The following CBLN2 variants were observed in gnomAD, a reference collection of about 807,000 sequenced individuals.
The protein encoded by CBLN2 is cerebellin 2 precursor.
In CBLN2, 7 loss-of-function variants were observed where a neutral mutation model predicts 15.0. That is an observed-to-expected ratio of 0.47 (90% confidence interval 0.27 to 0.88). The LOEUF (loss-of-function observed/expected upper bound fraction) is 0.88, where lower values mean the gene tolerates loss of function less well. Ranked by LOEUF, CBLN2 falls within the 40% of genes least tolerant of loss-of-function variation. The pLI, the probability that CBLN2 is intolerant of heterozygous loss-of-function variation, is 0.14. For missense variants in CBLN2, 242 were observed against 304.5 expected, an observed-to-expected ratio of 0.79 and a Z score of 1.53; for synonymous variants, 149 against 135.2, an observed-to-expected ratio of 1.10 and a Z score of -0.71.
chr18:72,634,329 C>A (rs952392891), intron 1 of CBLN2, among the ~76,000 whole-genome samples: 1 of 151,952 alleles, frequency 6.6e-6, no homozygotes, highest in East Asian at 1.9e-4. Flanking sequence ...TTTCTTCTTT[C>A]TTTTTCAATC....
chr18:72,625,011 C>A (rs916936996), intron 1 of CBLN2: 1 of 151,994 alleles, frequency 6.6e-6, no homozygotes, highest in Admixed American at 6.6e-5. Flanking sequence ...ATTGTTTTCC[C>A]AACTTTAGAA....
intron 1 of CBLN2, among the ~76,000 whole-genome samples, chr18:72,576,721 G>GT (rs1346437329): frequency 6.6e-6 from 1 of 151,570 alleles, no homozygotes; most frequent in Non-Finnish European, 1.5e-5. Context: ...ATACTAAAGG[G>GT]TTTTTTAAAG....
At chr18:72,616,943 G>A (rs1038518487) in intron 1 of CBLN2, among the ~76,000 whole-genome samples, 7 of 152,034 alleles carry the variant, frequency 4.6e-5, no homozygotes, top group African/African-American at 1.2e-4. Flanking sequence ...TGGTATTGTC[G>A]AATTAAATCA....
chr18:72,542,909 CCA>C (rs56135302), intron 2 of CBLN2: 34,496 of 131,280 alleles, frequency 0.26, 4,624 homozygotes, highest in Non-Finnish European at 0.31. Context: ...GGAAATGACA[CCA>C]CACACACACA....
intron 1 of CBLN2, among the ~76,000 whole-genome samples, chr18:72,600,945 T>A (rs1462368448): frequency 6.6e-6 from 1 of 152,162 alleles, no homozygotes; most frequent in Admixed American, 6.5e-5. Flanking sequence ...TCATCAGAAA[T>A]TCAAGTCTGA....
upstream of CBLN2, among the ~76,000 whole-genome samples, chr18:72,548,523 A>G (rs1452353604): frequency 6.6e-6 from 1 of 152,226 alleles, no homozygotes; most frequent in Non-Finnish European, 1.5e-5. Context: ...CAAACTAAAA[A>G]TACCTGGTTA....
At chr18:72,551,764 C>T (rs2069193435) in intron 1 of CBLN2, among the ~76,000 whole-genome samples, 1 of 152,174 alleles carries the variant, frequency 6.6e-6, no homozygotes, top group African/African-American at 2.4e-5. Context: ...CATATAAACA[C>T]ATATTTATCA....
intron 1 of CBLN2, among the ~76,000 whole-genome samples, chr18:72,554,794 C>T (rs2069214135): frequency 6.6e-6 from 1 of 152,002 alleles, no homozygotes. Context: ...CATCTCTTAC[C>T]ATTGCAACCC....
chr18:72,582,707 A>G (rs1330388835), intron 1 of CBLN2, among the ~76,000 whole-genome samples: 3 of 152,146 alleles, frequency 2.0e-5, no homozygotes, highest in Non-Finnish European at 4.4e-5. Context: ...AGGGGCCCAC[A>G]TACCCAAGTC....
intron 1 of CBLN2, chr18:72,625,099 T>C (rs1412461500): frequency 6.6e-6 from 1 of 152,118 alleles, no homozygotes; most frequent in Non-Finnish European, 1.5e-5. Context: ...TTACCACCCT[T>C]TGTTAAGGAT....
chr18:72,556,747 A>C (rs1336934313), intron 1 of CBLN2, among the ~76,000 whole-genome samples: 1 of 152,184 alleles, frequency 6.6e-6, no homozygotes, highest in African/African-American at 2.4e-5. Flanking sequence ...AGTGGAAATT[A>C]AACCAACTTA....
At chr18:72,572,900 T>C (rs1454890393) in intron 1 of CBLN2, among the ~76,000 whole-genome samples, 1 of 152,116 alleles carries the variant, frequency 6.6e-6, no homozygotes, top group Non-Finnish European at 1.5e-5. Flanking sequence ...TTAAGTATGC[T>C]AAAGAATAAG....
intron 1 of CBLN2, among the ~76,000 whole-genome samples, chr18:72,607,446 C>T (rs1230277643): frequency 6.6e-6 from 1 of 152,162 alleles, no homozygotes. Flanking sequence ...AGCAACTGTT[C>T]CCTTTCTCCT....
At chr18:72,633,262 A>G (rs1413022257) in intron 1 of CBLN2, among the ~76,000 whole-genome samples, 1 of 152,160 alleles carries the variant, frequency 6.6e-6, no homozygotes, top group Non-Finnish European at 1.5e-5. Context: ...TTGTTAAAAC[A>G]CTGTGGGCAT....
intron 1 of CBLN2, among the ~76,000 whole-genome samples, chr18:72,607,733 T>A (rs2144950130): frequency 6.6e-6 from 1 of 151,826 alleles, no homozygotes; most frequent in South Asian, 2.1e-4. Flanking sequence ...TCCTCTAAAT[T>A]TAAAAGACTG....
At chr18:72,553,518 C>A (rs934021265) in intron 1 of CBLN2, among the ~76,000 whole-genome samples, 1 of 151,884 alleles carries the variant, frequency 6.6e-6, no homozygotes, top group Non-Finnish European at 1.5e-5. Flanking sequence ...ACAGATTATA[C>A]GTGTACATAT....
intron 1 of CBLN2, among the ~76,000 whole-genome samples, chr18:72,599,263 T>C (rs1486800222): frequency 1.3e-5 from 2 of 152,324 alleles, no homozygotes; most frequent in East Asian, 1.9e-4. Flanking sequence ...ACAAATTTAG[T>C]CCGTAAAGTT....
At chr18:72,609,188 A>T (rs2069604386) in intron 1 of CBLN2, among the ~76,000 whole-genome samples, 1 of 152,214 alleles carries the variant, frequency 6.6e-6, no homozygotes, top group African/African-American at 2.4e-5. Context: ...GCATTTGCAT[A>T]AATAAAAAGG....
intron 1 of CBLN2, among the ~76,000 whole-genome samples, chr18:72,604,755 G>T (rs563285297): frequency 6.6e-6 from 1 of 152,224 alleles, no homozygotes; most frequent in Non-Finnish European, 1.5e-5. Flanking sequence ...TCCTTGCCAC[G>T]TGATGCCCTC....
Sources: allele counts gnomAD v4.1 joint callset (sites outside exome capture counted in the v4.1 genomes callset), GRCh38; gene constraint gnomAD v4.1.1; transcripts MANE v1.5; gene names NCBI Gene and HGNC (gene_info 2026-07-23, HGNC 2026-07-21).